RSPO2: variants seen among roughly 807,000 people sequenced by gnomAD.
The protein encoded by RSPO2 is R-spondin-2.
In RSPO2, 14 loss-of-function variants were observed where a neutral mutation model predicts 30.9. The ratio of observed to expected loss-of-function variants is 0.45; its 90% CI spans 0.30 to 0.71. The LOEUF (loss-of-function observed/expected upper bound fraction) is 0.71, where lower values mean the gene tolerates loss of function less well. Ranked by LOEUF, RSPO2 falls within the 30% of genes least tolerant of loss-of-function variation. RSPO2 has a pLI of 0.08. For synonymous variants in RSPO2, 107 were observed against 96.4 expected (o/e 1.11, Z -0.64); for missense variants, 264 against 301.9 (o/e 0.87, Z 0.93).
rs370616025 is a variant in RSPO2, at chr8:108,060,577, T to C, written c.94+21968A>G. ...GTCCGATTGGTGTACCTGAAAGTGA[T>C]GGGGAGAATGGAACCAAGTTGGAAA... On this transcript the variant is annotated intron_variant, in intron 2 of 5. Coordinates refer to ENST00000276659, the MANE Select transcript of RSPO2 (RefSeq NM_178565.5). Among the ~76,000 whole-genome samples the C allele has an allele frequency of 4.0e-5, 6 of 151,698 alleles. 1 individual carries two copies. The highest frequency in any genetic ancestry group is 9.7e-5 in the African/African-American group (4 of 41,066).
chr8:108,016,862 C>T (rs1213623297), intron 2 of RSPO2, among the ~76,000 whole-genome samples: 1 of 152,038 alleles, frequency 6.6e-6, no homozygotes, highest in Admixed American at 6.6e-5. Flanking sequence ...TCCCACTTCA[C>T]CTTCCACCAT....
chr8:107,947,018 T>G (rs1479218270), intron 5 of RSPO2, among the ~76,000 whole-genome samples: 1 of 152,230 alleles, frequency 6.6e-6, no homozygotes, highest in Non-Finnish European at 1.5e-5. Context: ...TTCAGAGGAA[T>G]GAATACAAAA....
rs905125173 is a variant in RSPO2, at chr8:107,926,752, A to T, written c.617-25562T>A. 1.4e-4 allele frequency among the ~76,000 whole-genome samples: 22 copies of T among 152,012 alleles called. 1 individual carries two copies. Among genetic ancestry groups the T allele is most frequent in the Admixed American group, 2.0e-4 (3 of 15,228 alleles). On this transcript the variant is annotated intron_variant, in intron 5 of 5. Transcript: ENST00000276659. ...AGGGCTCTGTTCTGTTCCATTGGTCAATATCTCTATTTTGGTACCAGTACC... is the reference window on the plus strand; with the variant it reads ...AGGGCTCTGTTCTGTTCCATTGGTCTATATCTCTATTTTGGTACCAGTACC...
At chr8:107,935,341 G>T (rs1812686294) in intron 5 of RSPO2, among the ~76,000 whole-genome samples, 1 of 151,990 alleles carries the variant, frequency 6.6e-6, no homozygotes, top group Non-Finnish European at 1.5e-5. Flanking sequence ...TATGAGATAA[G>T]AATAAAATGG....
chr8:108,047,934 T>A (rs2130672053), intron 2 of RSPO2, among the ~76,000 whole-genome samples: 1 of 151,940 alleles, frequency 6.6e-6, no homozygotes, highest in East Asian at 1.9e-4. Context: ...TGGGGCAGGT[T>A]AAGAGATTGA....
intron 5 of RSPO2, among the ~76,000 whole-genome samples, chr8:107,937,154 G>GT (rs34187034): frequency 0.48 from 67,653 of 139,788 alleles, 17,260 homozygotes; most frequent in East Asian, 0.67. Context: ...ATCTTCAGTT[G>GT]TTTTTTTTTT....
intron 5 of RSPO2, among the ~76,000 whole-genome samples, chr8:107,926,312 T>C (rs943686507): frequency 1.2e-4 from 18 of 151,944 alleles, no homozygotes; most frequent in Middle Eastern, 3.4e-3. Context: ...CCCTTTGTCA[T>C]ATGAGTAGAT....
chr8:107,907,064 TTTAC>T (rs1273822376), intron 5 of RSPO2, among the ~76,000 whole-genome samples: 4 of 151,980 alleles, frequency 2.6e-5, no homozygotes, highest in Admixed American at 2.6e-4. Flanking sequence ...AAATTTACAT[TTTAC>T]TTATTCACAT....
chr8:107,935,667 T>C lies in RSPO2; in HGVS notation c.616+22413A>G, dbSNP rs577640345. 4.6e-5 allele frequency among the ~76,000 whole-genome samples: 7 copies of C among 152,224 alleles called. No individual in the cohort carries two copies. The South Asian group carries it at 1.0e-3, about 23-fold the overall frequency. On this transcript the variant is annotated intron_variant, in intron 5 of 5. Transcript: ENST00000276659. ...AATAAAGGACCTAGGTTCACTTGTC[T>C]AACTGAGGAGCTAGGAATCTGGAAC...
chr8:108,021,819 A>G (rs1392482483), intron 2 of RSPO2, among the ~76,000 whole-genome samples: 1 of 152,080 alleles, frequency 6.6e-6, no homozygotes, highest in African/African-American at 2.4e-5. Flanking sequence ...AGAAATACCT[A>G]ATGCATGTGG....
At chr8:108,063,987 T>C (rs1254307010) in intron 2 of RSPO2, among the ~76,000 whole-genome samples, 1 of 152,222 alleles carries the variant, frequency 6.6e-6, no homozygotes, top group Non-Finnish European at 1.5e-5. Context: ...TGTAGAAAGC[T>C]GAAGCTGGAT....
intron 5 of RSPO2, 28 bp from the exon 6 acceptor site, chr8:107,901,218 T>C: frequency 6.3e-7 from 1 of 1,589,978 alleles, no homozygotes; most frequent in South Asian, 1.1e-5. Context: ...AAAGAAGAGA[T>C]GTCAGAAATG....
intron 2 of RSPO2, among the ~76,000 whole-genome samples, chr8:108,046,074 A>G (rs1782785481): frequency 6.6e-6 from 1 of 152,198 alleles, no homozygotes; most frequent in Admixed American, 6.5e-5. Flanking sequence ...TAAATGACCC[A>G]GTACTACTCC....
intron 5 of RSPO2, among the ~76,000 whole-genome samples, chr8:107,912,303 C>T (rs532801886): frequency 7.9e-5 from 12 of 152,176 alleles, no homozygotes; most frequent in Admixed American, 6.5e-4. Context: ...TGACTTAGTG[C>T]GAAGTTAACT....
chr8:108,028,479 A>G (rs1811296321), intron 2 of RSPO2, among the ~76,000 whole-genome samples: 2 of 152,264 alleles, frequency 1.3e-5, no homozygotes, highest in African/African-American at 4.8e-5. Flanking sequence ...TGGGGAGTGG[A>G]CACCTGTTCA....
chr8:107,995,547 C>T (rs889914888), intron 2 of RSPO2, among the ~76,000 whole-genome samples: 5 of 152,076 alleles, frequency 3.3e-5, no homozygotes, highest in African/African-American at 1.2e-4. Context: ...AAACCTGTTG[C>T]CTCTACTTAT....
At position 108,064,908 on chromosome 8, in the gene RSPO2, C is replaced by G. The variant is rs189024928; in HGVS notation, c.94+17637G>C. Among the ~76,000 whole-genome samples, 13 of 152,190 alleles carry G rather than the reference C, an allele frequency of 8.5e-5. No individual in the cohort carries two copies. In the East Asian group the frequency reaches 2.5e-3, roughly 30 times the overall value. On this transcript the variant is annotated intron_variant, in intron 2 of 5. Coordinates refer to ENST00000276659, the MANE Select transcript of RSPO2 (RefSeq NM_178565.5). ...TGAAGCTGGAAACCATCATTCTCAA[C>G]AAACTATCACAGGGACAAAGCCGAA...
At chr8:107,926,493 T>A (rs925378760) in intron 5 of RSPO2, among the ~76,000 whole-genome samples, 1 of 152,178 alleles carries the variant, frequency 6.6e-6, no homozygotes, top group Non-Finnish European at 1.5e-5. Context: ...ATGTCCAGAA[T>A]AGTATTGCCT....
chr8:108,022,248 C>T (rs1006752005), intron 2 of RSPO2, among the ~76,000 whole-genome samples: 4 of 152,078 alleles, frequency 2.6e-5, no homozygotes, highest in South Asian at 2.1e-4. Context: ...TATCTCATAA[C>T]GTCTTTCTCT....
Sources: allele counts gnomAD v4.1 joint callset (sites outside exome capture counted in the v4.1 genomes callset), GRCh38; gene constraint gnomAD v4.1.1; transcripts MANE v1.5; gene names NCBI Gene and HGNC (gene_info 2026-07-23, HGNC 2026-07-21).